The following DTWD2 variants were observed in gnomAD, a reference collection of about 807,000 sequenced individuals.
The protein encoded by DTWD2 is DTW motif tRNA-uridine aminocarboxypropyltransferase 2.
DTWD2 carries 39 observed loss-of-function variants against 31.8 expected under a neutral mutation model. The observed-to-expected ratio is 1.22, with a 90% CI of 0.95 to 1.60. The LOEUF (loss-of-function observed/expected upper bound fraction) is 1.60, where lower values mean the gene tolerates loss of function less well. Ranked by LOEUF, DTWD2 falls within the 40% of genes most tolerant of loss-of-function variation. The probability of loss-of-function intolerance (pLI) is 0.00; values close to 1 mark genes in which losing one functional copy is unlikely to be tolerated. For synonymous variants in DTWD2, 180 were observed against 142.8 expected (o/e 1.26, Z -1.86); for missense variants, 515 against 381.5 (o/e 1.35, Z -2.92).
chr5:118,929,501 T>G (rs1362493575), intron 3 of DTWD2, among the ~76,000 whole-genome samples: 1 of 152,078 alleles, frequency 6.6e-6, no homozygotes, highest in African/African-American at 2.4e-5. Context: ...TTTTTTTTTT[T>G]TGTCCACAAA....
At chr5:118,856,272 C>A (rs774195181) in intron 4 of DTWD2, among the ~76,000 whole-genome samples, 3 of 152,152 alleles carry the variant, frequency 2.0e-5, no homozygotes, top group African/African-American at 7.2e-5. Context: ...ATATATTCTT[C>A]TATAACTTGT....
At chr5:118,841,293 G>A (rs1751708315) in intron 5 of DTWD2, among the ~76,000 whole-genome samples, 1 of 151,978 alleles carries the variant, frequency 6.6e-6, no homozygotes, top group Admixed American at 6.6e-5. Context: ...TTACACTAAG[G>A]AATTTTATTA....
At chr5:118,906,443 C>A (rs1022338623) in intron 4 of DTWD2, among the ~76,000 whole-genome samples, 1 of 152,050 alleles carries the variant, frequency 6.6e-6, no homozygotes, top group Non-Finnish European at 1.5e-5. Flanking sequence ...CAGAAAACAA[C>A]CCAAATGGTC....
intron 3 of DTWD2, among the ~76,000 whole-genome samples, chr5:118,933,827 A>G (rs901107134): frequency 2.4e-4 from 37 of 151,962 alleles, no homozygotes; most frequent in African/African-American, 7.0e-4. Flanking sequence ...AAAACCATAT[A>G]TACTCCTCAG....
chr5:118,954,899 G>A (rs1237635920), intron 1 of DTWD2, among the ~76,000 whole-genome samples: 7 of 151,926 alleles, frequency 4.6e-5, no homozygotes, highest in South Asian at 2.1e-4. Flanking sequence ...TATCCCATTC[G>A]TTAATTTTTT....
chr5:118,941,857 T>G (rs1232398585), intron 2 of DTWD2, among the ~76,000 whole-genome samples: 1 of 152,336 alleles, frequency 6.6e-6, no homozygotes, highest in East Asian at 1.9e-4. Context: ...CCTGACTTTT[T>G]AATGATCGCC....
chr5:118,919,593 T>C (rs1331175502), intron 4 of DTWD2, among the ~76,000 whole-genome samples: 3 of 152,228 alleles, frequency 2.0e-5, no homozygotes, highest in South Asian at 2.1e-4. Context: ...ATTCACAGAC[T>C]ATTGTTTCCC....
intron 4 of DTWD2, among the ~76,000 whole-genome samples, chr5:118,914,541 TA>T (rs1753532208): frequency 6.6e-6 from 1 of 151,996 alleles, no homozygotes; most frequent in South Asian, 2.1e-4. Context: ...TTGACTACAG[TA>T]AATATAATAA....
chr5:118,883,991 C>G (rs1752799999), intron 4 of DTWD2, among the ~76,000 whole-genome samples: 1 of 152,130 alleles, frequency 6.6e-6, no homozygotes, highest in South Asian at 2.1e-4. Flanking sequence ...AATTAGACAG[C>G]AGATTTTTGT....
In DTWD2 at chr5:118,884,759, C is replaced by A. The variant is rs556606205; in HGVS notation, c.598-36541G>T. Among the ~76,000 whole-genome samples, 3 of 152,024 alleles carry A rather than the reference C, an allele frequency of 2.0e-5. No homozygotes were observed. The East Asian group carries it at 5.8e-4, about 29-fold the overall frequency. On this transcript the variant is annotated intron_variant, in intron 4 of 5. Coordinates refer to ENST00000510708, the MANE Select transcript of DTWD2 (RefSeq NM_173666.4). ...TGGTGGCTCATGCCTGTAATCCCAG[C>A]ACTTTGGGAGGCCGAGGCAGGAAGA...
At position 118,848,120 on chromosome 5, in the gene DTWD2, G is replaced by T; in HGVS notation, c.696C>A (p.Ser232=). 6.3e-7 allele frequency: 1 copy of T among 1,579,270 alleles called. No individual in the cohort carries two copies. The highest frequency in any genetic ancestry group is 8.6e-7 in the Non-Finnish European group (1 of 1,165,710). ...GTATGTAATTATTTTTCTCCAAGAT[G>T]GAAAGAGCAACAGCTGCACACTCCA... ...STLECAAVAL[S]ILEKNNYIQE... Residue 232 remains serine (S), a synonymous_variant, in exon 5 of 6, where the codon TCC becomes TCA. Transcript: ENST00000510708.
chr5:118,853,382 G>C (rs1276434347), intron 4 of DTWD2, among the ~76,000 whole-genome samples: 5 of 152,078 alleles, frequency 3.3e-5, no homozygotes. Flanking sequence ...ATTCAGCTCA[G>C]CAATCCAATT....
At chr5:118,962,779 T>C (rs1754735274) in intron 1 of DTWD2, among the ~76,000 whole-genome samples, 2 of 152,334 alleles carry the variant, frequency 1.3e-5, no homozygotes, top group South Asian at 2.1e-4. Context: ...GGAGGTAGTA[T>C]TTTTAGCCTA....
intron 1 of DTWD2, among the ~76,000 whole-genome samples, chr5:118,976,844 G>A (rs1168073763): frequency 6.6e-6 from 1 of 152,142 alleles, no homozygotes; most frequent in Non-Finnish European, 1.5e-5. Context: ...TATGAGGCCA[G>A]CATCATCCTG....
intron 4 of DTWD2, among the ~76,000 whole-genome samples, chr5:118,911,672 C>T (rs955071350): frequency 3.9e-5 from 6 of 152,156 alleles, no homozygotes; most frequent in African/African-American, 1.4e-4. Context: ...CATGCACACA[C>T]ATATACACAC....
chr5:118,868,386 C>G (rs78320683), intron 4 of DTWD2, among the ~76,000 whole-genome samples: 11 of 151,740 alleles, frequency 7.2e-5, no homozygotes, highest in African/African-American at 2.7e-4. Context: ...CCAAACGTAC[C>G]GGCAACAACA....
intron 4 of DTWD2, among the ~76,000 whole-genome samples, chr5:118,882,839 C>T (rs976357220): frequency 3.9e-5 from 6 of 152,234 alleles, no homozygotes; most frequent in African/African-American, 1.4e-4. Flanking sequence ...GGAAAGTCTG[C>T]CACGAAGATA....
chr5:118,857,574 T>A (rs1308978814), intron 4 of DTWD2, among the ~76,000 whole-genome samples: 2 of 152,206 alleles, frequency 1.3e-5, no homozygotes, highest in African/African-American at 4.8e-5. Flanking sequence ...TCACTGTGAA[T>A]TATGCTTTCA....
At chr5:118,932,091 T>C (rs1218358296) in intron 3 of DTWD2, among the ~76,000 whole-genome samples, 3 of 152,024 alleles carry the variant, frequency 2.0e-5, no homozygotes, top group Non-Finnish European at 4.4e-5. Flanking sequence ...CTTAGAGAGA[T>C]ATTCATAGCA....
Sources: allele counts gnomAD v4.1 joint callset (sites outside exome capture counted in the v4.1 genomes callset), GRCh38; gene constraint gnomAD v4.1.1; transcripts MANE v1.5; gene names NCBI Gene and HGNC (gene_info 2026-07-23, HGNC 2026-07-21).